TWF1: variants seen among roughly 807,000 people sequenced by gnomAD.
TWF1 encodes the protein twinfilin-1.
TWF1 carries 14 observed loss-of-function variants against 47.9 expected under a neutral mutation model. The observed-to-expected ratio is 0.29, with a 90% CI of 0.19 to 0.46. The LOEUF is 0.46. TWF1 is among the 20% of genes least tolerant of loss of function. The pLI is 1.00. For synonymous variants in TWF1, 96 were observed against 139.2 expected, an observed-to-expected ratio of 0.69 and a Z score of 2.18; for missense variants, 281 against 409.3, an observed-to-expected ratio of 0.69 and a Z score of 2.70.
At position 43,796,966 on chromosome 12, in the gene TWF1, G is replaced by C. The variant is rs1942562823; in HGVS notation, c.882+10C>G. 6.2e-7 allele frequency: 1 copy of C among 1,606,860 alleles called. No homozygotes were observed. Among genetic ancestry groups the C allele is most frequent in the African/African-American group, 1.3e-5 (1 of 74,544 alleles). On this transcript the variant is annotated intron_variant, in intron 8 of 8. Coordinates refer to ENST00000395510, the MANE Select transcript of TWF1 (RefSeq NM_002822.5). ...AGCAAAAACTGAAGATTTTAAAATA[G>C]GTGGGCTACCTTTCTAATTACATCC...
chr12:43,802,398 A>G lies in TWF1; in HGVS notation c.170T>C (p.Val57Ala), dbSNP rs925529208. ...TTGTTTGTCCTCCAACAGGGGTAAA[A>G]CAAAGGAATCATAATCCTTATCCCA... ...DSWDKDYDSF[V>A]LPLLEDKQPC... Residue 57 changes from valine to alanine, a missense_variant, in exon 3 of 9, where the codon GTT becomes GCT. Transcript: ENST00000395510. 6.8e-6 allele frequency: 11 copies of G among 1,606,702 alleles called. No individual in the cohort carries two copies. Among genetic ancestry groups the G allele is most frequent in the African/African-American group, 1.3e-5 (1 of 74,466 alleles).
intron 1 of TWF1, chr12:43,805,794 T>C (rs1355118820): frequency 7.4e-7 from 1 of 1,358,914 alleles, no homozygotes; most frequent in Non-Finnish European, 9.7e-7. Context: ...CAAAGTCCTG[T>C]AATATTCTCC....
intron 1 of TWF1, chr12:43,805,738 A>AC (rs1942749562): frequency 8.1e-7 from 1 of 1,239,732 alleles, no homozygotes; most frequent in Admixed American, 2.0e-5. Context: ...TTTGGGAAGC[A>AC]CCCCTACTGA....
Position 43,795,558 on chromosome 12 carries a change from A to G in TWF1, c.*27T>C. 7 of 1,592,668 alleles carry G rather than the reference A, an allele frequency of 4.4e-6. No individual in the cohort carries two copies. The highest frequency in any genetic ancestry group is 6.0e-6 in the Non-Finnish European group (7 of 1,167,760). ...CTAAAAGCTGGACTTTTAAAAAACT[A>G]GTATTACAATGTTTAATGTGATGAC... On this transcript the variant is annotated 3_prime_UTR_variant, in exon 9 of 9. Coordinates refer to ENST00000395510, the MANE Select transcript of TWF1 (RefSeq NM_002822.5).
intron 5 of TWF1, among the ~76,000 whole-genome samples, chr12:43,798,282 C>T (rs972530098): frequency 6.6e-6 from 1 of 152,104 alleles, no homozygotes; most frequent in African/African-American, 2.4e-5. Flanking sequence ...ACAAAGACAA[C>T]ACAGCTCAAC....
chr12:43,801,150 T>C (rs1229139947), intron 3 of TWF1, among the ~76,000 whole-genome samples: 1 of 152,190 alleles, frequency 6.6e-6, no homozygotes, highest in African/African-American at 2.4e-5. Context: ...AAAACTGAAA[T>C]GAAGTAACTT....
In TWF1 at chr12:43,806,290, C is replaced by G. The variant is rs1352356556; in HGVS notation, c.-45G>C. The G allele has an allele frequency of 6.9e-7, 1 of 1,441,400 alleles. No homozygotes were observed. The allele number at this position is 1,441,400 out of a possible 1,614,324, so 89.3% of individuals were successfully genotyped here. ...CGGCTCCGGCGCTGAGTGCAGCCAG[C>G]GGCCCCGGCCGGCGGCCCCAGGAAG... On this transcript the variant is annotated 5_prime_UTR_variant, in exon 1 of 9. Coordinates refer to ENST00000395510, the MANE Select transcript of TWF1 (RefSeq NM_002822.5).
intron 1 of TWF1, 53 bp downstream of exon 1, chr12:43,806,168 C>G: frequency 6.5e-7 from 1 of 1,536,690 alleles, no homozygotes; most frequent in Non-Finnish European, 8.7e-7. Context: ...CCTCCCGGCT[C>G]TCCCGGCTCT....
rs12829856 is a variant in TWF1, at chr12:43,797,822, G to A, written c.495C>T (p.Asp165=). The change falls in exon 6 of 9, where the codon GAC becomes GAT. Residue 165 remains aspartate, a synonymous_variant. Transcript: ENST00000395510. ...RQIKINEVQT[D]VGVDTKHQTL... ...TTTGATGCTTAGTGTCCACACCCAC[G>A]TCAGTCTGTACCTAAGTATGACAGA... is the stretch of plus-strand genomic sequence containing the variant. 0.094 allele frequency: 150,961 copies of A among 1,612,256 alleles called. 7,579 individuals are homozygous for A. The highest frequency in any genetic ancestry group is 0.14 in the African/African-American group (10,678 of 74,926).
At chr12:43,805,359 G>A (rs1199545923) in intron 1 of TWF1, among the ~76,000 whole-genome samples, 1 of 152,194 alleles carries the variant, frequency 6.6e-6, no homozygotes, top group Non-Finnish European at 1.5e-5. Flanking sequence ...GCAGGGGGAT[G>A]TGTGCGGTGG....
intron 2 of TWF1, chr12:43,804,231 G>A (rs1942715275): frequency 2.1e-6 from 1 of 487,318 alleles, no homozygotes; most frequent in Non-Finnish European, 4.0e-6. Context: ...AATGGACTGT[G>A]GTGCAGAAAC....
At chr12:43,805,824 A>C (rs1436668249) in intron 1 of TWF1, 1 of 1,380,166 alleles carries the variant, frequency 7.2e-7, no homozygotes, top group South Asian at 1.1e-5. Flanking sequence ...TGAAAAAGAA[A>C]ACTCGCCTGG....
intron 3 of TWF1, among the ~76,000 whole-genome samples, chr12:43,801,304 A>G (rs1390294253): frequency 6.6e-6 from 1 of 152,224 alleles, no homozygotes; most frequent in Non-Finnish European, 1.5e-5. Context: ...ACTAGTATCT[A>G]TGGAAAGCTA....
At chr12:43,805,647 A>C (rs1489743721) in intron 1 of TWF1, 3 of 589,624 alleles carry the variant, frequency 5.1e-6, no homozygotes, top group Non-Finnish European at 8.6e-6. Flanking sequence ...TCTAGGAAAA[A>C]GATCAAAACA....
At chr12:43,801,456 T>C (rs1942659853) in intron 3 of TWF1, among the ~76,000 whole-genome samples, 1 of 152,168 alleles carries the variant, frequency 6.6e-6, no homozygotes, top group Non-Finnish European at 1.5e-5. Context: ...AAAATAATTA[T>C]TTTTTAATAA....
intron 2 of TWF1, 145 bp from the exon 3 acceptor site, chr12:43,802,609 TAGAA>T (rs1479132796): frequency 3.2e-6 from 2 of 620,354 alleles, no homozygotes; most frequent in Non-Finnish European, 5.6e-6. Context: ...TGTGGTAACA[TAGAA>T]AGTAATTATG....
intron 1 of TWF1, chr12:43,805,902 G>C (rs560806275): frequency 1.3e-6 from 2 of 1,482,086 alleles, no homozygotes; most frequent in South Asian, 1.1e-5. Context: ...GACCAAAAGG[G>C]GGAAAGTTGG....
chr12:43,802,958 G>C (rs1207639116), intron 2 of TWF1, among the ~76,000 whole-genome samples: 2 of 152,064 alleles, frequency 1.3e-5, no homozygotes, highest in Non-Finnish European at 2.9e-5. Context: ...TGTATACACT[G>C]GTATAGCCAC....
Position 43,795,016 on chromosome 12 carries a change from T to C in TWF1, c.*569A>G. On this transcript the variant is annotated 3_prime_UTR_variant, in exon 9 of 9. Transcript: ENST00000395510. Reference sequence around the variant, plus strand: ...TTTCAGAGTGAGCTGATCTGCAATTTTAATGCTATTAAAAAAAAGTCAAAT... The same window carrying C: ...TTTCAGAGTGAGCTGATCTGCAATTCTAATGCTATTAAAAAAAAGTCAAAT... 6.6e-6 allele frequency: 1 copy of C among 152,144 alleles called. No homozygotes were observed. The highest frequency in any genetic ancestry group is 1.5e-5 in the Non-Finnish European group (1 of 68,042). 9.4% of individuals were successfully genotyped at this position (152,144 alleles called of 1,614,324 possible).
Sources: gnomAD v4.1 joint callset for allele counts (sites outside exome capture counted in the v4.1 genomes callset) on GRCh38, gnomAD v4.1.1 for gene constraint, MANE v1.5 for transcripts, NCBI Gene and HGNC (gene_info 2026-07-23, HGNC 2026-07-21) for gene names.